HOXC6: variants seen among roughly 807,000 people sequenced by gnomAD.
HOXC6 encodes homeobox protein Hox-C6.
A neutral mutation model predicts 24.0 loss-of-function variants in HOXC6; 10 were observed. That is an observed-to-expected ratio of 0.42 (90% CI 0.26 to 0.71). The LOEUF (loss-of-function observed/expected upper bound fraction) is 0.71, where lower values mean the gene tolerates loss of function less well. HOXC6 is among the 30% of genes least tolerant of loss of function. The probability of loss-of-function intolerance (pLI) is 0.28; values close to 1 mark genes in which losing one functional copy is unlikely to be tolerated. For synonymous variants in HOXC6, 123 were observed against 128.1 expected, an observed-to-expected ratio of 0.96 and a Z score of 0.27; for missense variants, 258 against 303.4, an observed-to-expected ratio of 0.85 and a Z score of 1.11.
intron 1 of HOXC6, among the ~76,000 whole-genome samples, chr12:54,029,350 A>AT (rs1416280010): frequency 6.7e-6 from 1 of 149,016 alleles, no homozygotes; most frequent in African/African-American, 2.5e-5. Flanking sequence ...ATTATCTGGG[A>AT]TTTTTCAAAA....
At chr12:54,026,720 C>T (rs1940716029), upstream of HOXC6, among the ~76,000 whole-genome samples, 1 of 152,216 alleles carries the variant, frequency 6.6e-6, no homozygotes, top group South Asian at 2.1e-4. Context: ...TCCACCAGCT[C>T]CTGCACACTG....
chr12:54,019,330 C>T (rs1479641263), intron 1 of HOXC6, among the ~76,000 whole-genome samples: 2 of 152,210 alleles, frequency 1.3e-5, no homozygotes, highest in South Asian at 2.1e-4. Flanking sequence ...TCTCCCGCCG[C>T]TCAGGCACGG....
chr12:54,028,405 T>G, upstream of HOXC6: 2 of 1,180,690 alleles, frequency 1.7e-6, no homozygotes, highest in Non-Finnish European at 2.4e-6. Flanking sequence ...CAGCTGACTT[T>G]GTCATTTTGT....
chr12:54,028,966 G>A, intron 1 of HOXC6, 45 bp downstream of exon 1: 1 of 1,537,088 alleles, frequency 6.5e-7, no homozygotes, highest in South Asian at 1.2e-5. Context: ...AACTGAACTG[G>A]CTTTATGACC....
chr12:54,028,142 G>A (rs1395562331), upstream of HOXC6, among the ~76,000 whole-genome samples: 1 of 152,072 alleles, frequency 6.6e-6, no homozygotes, highest in East Asian at 1.9e-4. Context: ...AGCAAAGTTA[G>A]CTGGGGCTGA....
At chr12:54,020,794 G>C (rs148405951) in intron 1 of HOXC6, 2 of 152,322 alleles carry the variant, frequency 1.3e-5, no homozygotes, top group Admixed American at 6.5e-5. Context: ...GCGGGTTCCA[G>C]TAACCAATGG....
intron 1 of HOXC6, among the ~76,000 whole-genome samples, chr12:54,019,178 C>A (rs866050401): frequency 2.0e-3 from 268 of 132,002 alleles, no homozygotes; most frequent in Middle Eastern, 7.5e-3. Context: ...CCCTCCCCCA[C>A]CCCCCCACCC....
chr12:54,021,319 G>T (rs1592222382), intron 1 of HOXC6: 3 of 152,270 alleles, frequency 2.0e-5, no homozygotes, highest in Admixed American at 2.0e-4. Flanking sequence ...AATCCTCGTC[G>T]CTATCTGAGC....
intron 1 of HOXC6, among the ~76,000 whole-genome samples, chr12:54,019,165 T>TCCCCCCCCCCCCCC (rs1940305860): frequency 7.7e-6 from 1 of 129,560 alleles, no homozygotes. Context: ...GCATTTTCTC[T>TCCCCCCCCCCCCCC]CCCCCTCCCC....
upstream of HOXC6, among the ~76,000 whole-genome samples, chr12:54,024,697 G>A (rs1940612158): frequency 6.8e-6 from 1 of 146,752 alleles, no homozygotes; most frequent in Non-Finnish European, 1.5e-5. Context: ...GAGCTCACAT[G>A]CCCCCAGCCT....
chr12:54,029,339 C>A (rs1302870847), intron 1 of HOXC6, among the ~76,000 whole-genome samples: 1 of 151,832 alleles, frequency 6.6e-6, no homozygotes, highest in Non-Finnish European at 1.5e-5. Flanking sequence ...CCCTCATCCC[C>A]ATTATCTGGG....
At position 54,029,936 on chromosome 12, in the gene HOXC6, A is replaced by G; in HGVS notation, c.682A>G (p.Thr228Ala). The G allele has an allele frequency of 1.3e-6, 2 of 1,594,382 alleles. No individual in the cohort carries two copies. The highest frequency in any genetic ancestry group is 1.7e-6 in the Non-Finnish European group (2 of 1,169,486). ...LGGKEEKREE[T>A]EEEKQKE is the part of the protein sequence containing the mutation. Reference sequence around the variant, plus strand: ...CGGAAAAGAGGAAAAGCGGGAAGAGACAGAAGAGGAGAAGCAGAAAGAGTG... The same window carrying G: ...CGGAAAAGAGGAAAAGCGGGAAGAGGCAGAAGAGGAGAAGCAGAAAGAGTG... Residue 228 changes from threonine to alanine, a missense_variant, in exon 2 of 2, where the codon ACA becomes GCA. By Grantham distance (58) the Thr-to-Ala change is moderately conservative. Coordinates refer to ENST00000243108, the MANE Select transcript of HOXC6 (RefSeq NM_004503.4).
upstream of HOXC6, among the ~76,000 whole-genome samples, chr12:54,026,855 C>G (rs557767956): frequency 1.3e-5 from 2 of 152,194 alleles, no homozygotes; most frequent in South Asian, 4.2e-4. Flanking sequence ...TTATTGCTAC[C>G]CATTGATTAC....
chr12:54,029,667 G>T lies in HOXC6; in HGVS notation c.413G>T (p.Gly138Val). The change falls in exon 2 of 2, where the codon GGA (glycine) becomes GTA (valine). Residue 138 changes from glycine to valine, a missense_variant. Gly to Val is a moderately radical substitution (Grantham distance 109). Coordinates refer to ENST00000243108, the MANE Select transcript of HOXC6 (RefSeq NM_004503.4). Reference protein sequence around the residue: ...RMNSHSGVGYGADRRRGRQIY... With the variant: ...RMNSHSGVGYVADRRRGRQIY... The stretch of plus-strand genomic sequence containing the variant: ...CCCGGATCTTTAGGGGTCGGCTACG[G>T]AGCGGACCGGAGGCGCGGCCGCCAG... The T allele has an allele frequency of 6.2e-7, 1 of 1,613,204 alleles. No homozygotes were observed. Among genetic ancestry groups the T allele is most frequent in the African/African-American group, 1.3e-5 (1 of 74,990 alleles).
At chr12:54,020,667 T>C (rs1940394783) in intron 1 of HOXC6, 1 of 152,228 alleles carries the variant, frequency 6.6e-6, no homozygotes, top group Non-Finnish European at 1.5e-5. Flanking sequence ...TTTATGTTCA[T>C]GCAAAATTTT....
At chr12:54,024,056 C>A (rs534786361), upstream of HOXC6, among the ~76,000 whole-genome samples, 4 of 152,322 alleles carry the variant, frequency 2.6e-5, no homozygotes, top group East Asian at 7.7e-4. Context: ...ATAGACCAAT[C>A]GGGCCAACTG....
At chr12:54,026,004 A>G (rs1466088851), upstream of HOXC6, among the ~76,000 whole-genome samples, 1 of 152,170 alleles carries the variant, frequency 6.6e-6, no homozygotes, top group Non-Finnish European at 1.5e-5. Context: ...TGAAAGTGAA[A>G]CCTCATTAAG....
chr12:54,025,529 G>A (rs574516435), upstream of HOXC6, among the ~76,000 whole-genome samples: 1 of 36,838 alleles, frequency 2.7e-5, no homozygotes, highest in African/African-American at 8.7e-5. Flanking sequence ...AAGGTAATTG[G>A]GGGGGGGGGA....
upstream of HOXC6, chr12:54,028,356 C>A: frequency 1.5e-6 from 1 of 659,930 alleles, no homozygotes; most frequent in Non-Finnish European, 2.5e-6. Context: ...TTTTTTTCCC[C>A]CTTCCTGACA....
Sources: allele counts gnomAD v4.1 joint callset (sites outside exome capture counted in the v4.1 genomes callset), GRCh38; gene constraint gnomAD v4.1.1; transcripts MANE v1.5; gene names NCBI Gene and HGNC (gene_info 2026-07-23, HGNC 2026-07-21).